Variants in FBXL4 observed in about 807,000 individuals in gnomAD.
FBXL4 encodes the protein F-box and leucine rich repeat protein 4, also known as F-box/LRR-repeat protein 4.
Under a neutral mutation model 58.9 loss-of-function variants are expected in FBXL4, and 40 were observed. The ratio of observed to expected loss-of-function variants is 0.68; its 90% CI spans 0.53 to 0.88. The LOEUF is 0.88. Among genes scored for constraint, FBXL4 ranks in the 40% least tolerant of loss-of-function variants. FBXL4 has a pLI of 0.00. For missense variants in FBXL4, 676 were observed against 734.4 expected (o/e 0.92, Z 0.92); for synonymous variants, 263 against 265.5 (o/e 0.99, Z 0.09).
Position 98,905,620 on chromosome 6 carries a change from T to G in FBXL4, c.909A>C (p.Leu303Phe). The G allele has an allele frequency of 6.2e-7, 1 of 1,612,008 alleles. No individual in the cohort carries two copies. The highest frequency in any genetic ancestry group is 1.7e-5 in the Admixed American group (1 of 59,822). The change falls in exon 6 of 10, where the codon TTA (leucine) becomes TTC (phenylalanine). Residue 303 changes from leucine to phenylalanine, a missense_variant. Physicochemically the swap from Leu to Phe is conservative, Grantham distance 22. Transcript: ENST00000369244. ...NHLTLPDLCR[L>F]AQTCKLLSQH... ...GGCTCAGTAGTTTGCAAGTCTGTGC[T>G]AATCTACACAGGTCTGGTAGTGTAA...
At chr6:98,925,296 T>C (rs1772735819) in intron 4 of FBXL4, among the ~76,000 whole-genome samples, 1 of 152,164 alleles carries the variant, frequency 6.6e-6, no homozygotes, top group African/African-American at 2.4e-5. Context: ...CATGCCCTGC[T>C]AGTGGGAATA....
At chr6:98,885,666 C>T (rs1463141258) in intron 7 of FBXL4, among the ~76,000 whole-genome samples, 1 of 152,206 alleles carries the variant, frequency 6.6e-6, no homozygotes, top group Non-Finnish European at 1.5e-5. Flanking sequence ...CTTCCTGGGT[C>T]TTAAACCTGC....
Position 98,868,616 on chromosome 6 carries a change from T to C in FBXL4, c.*5662A>G, listed in dbSNP as rs1770414464. On this transcript the variant is annotated 3_prime_UTR_variant, in exon 10 of 10. Coordinates refer to ENST00000369244, the MANE Select transcript of FBXL4 (RefSeq NM_001278716.2). ...AATCATTAGATATTGAACAGCATTT[T>C]TATGTAAATAAAATTAAAATATCTC... 1 of 152,168 alleles carries C rather than the reference T, an allele frequency of 6.6e-6. No individual in the cohort carries two copies. Among genetic ancestry groups the C allele is most frequent in the South Asian group, 2.1e-4 (1 of 4,832 alleles). The allele number at this position is 152,168 out of a possible 1,614,324, so 9.4% of individuals were successfully genotyped here. A position where few individuals can be genotyped will look rare whatever the true frequency, so the allele number is the denominator to read the frequency against.
chr6:98,937,259 G>A (rs1186470692), intron 1 of FBXL4, among the ~76,000 whole-genome samples: 6 of 151,358 alleles, frequency 4.0e-5, no homozygotes, highest in African/African-American at 1.5e-4. Context: ...GCAGTGAGCC[G>A]AGATTGTGCC....
At position 98,905,620 on chromosome 6, in the gene FBXL4, T is replaced by A; in HGVS notation, c.909A>T (p.Leu303Phe). 6.2e-7 allele frequency: 1 copy of A among 1,612,008 alleles called. No homozygotes were observed. Among genetic ancestry groups the A allele is most frequent in the Non-Finnish European group, 8.5e-7 (1 of 1,179,196 alleles). The change falls in exon 6 of 10, where the codon TTA becomes TTT. Residue 303 changes from leucine (L) to phenylalanine (F), a missense_variant. Physicochemically the swap from Leu to Phe is conservative, Grantham distance 22 (BLOSUM62 0). Coordinates refer to ENST00000369244, the MANE Select transcript of FBXL4 (RefSeq NM_001278716.2). ...NHLTLPDLCRLAQTCKLLSQH... is the reference protein window; with the variant it reads ...NHLTLPDLCRFAQTCKLLSQH... ...GGCTCAGTAGTTTGCAAGTCTGTGC[T>A]AATCTACACAGGTCTGGTAGTGTAA...
chr6:98,947,171 A>G (rs1381147944), intron 1 of FBXL4, among the ~76,000 whole-genome samples: 1 of 152,242 alleles, frequency 6.6e-6, no homozygotes, highest in Non-Finnish European at 1.5e-5. Flanking sequence ...CTGTGAATGC[A>G]TCTCGAAGGT....
intron 7 of FBXL4, among the ~76,000 whole-genome samples, chr6:98,893,200 A>G (rs1377123562): frequency 6.6e-6 from 1 of 152,194 alleles, no homozygotes; most frequent in Non-Finnish European, 1.5e-5. Context: ...CTCATGCACT[A>G]TGTTAAAAAA....
intron 1 of FBXL4, among the ~76,000 whole-genome samples, chr6:98,938,743 T>C (rs1773316859): frequency 6.6e-6 from 1 of 152,126 alleles, no homozygotes; most frequent in Non-Finnish European, 1.5e-5. Flanking sequence ...TAAATGTCTT[T>C]TGTGGCATTT....
At chr6:98,883,523 C>CT (rs796178306) in intron 7 of FBXL4, among the ~76,000 whole-genome samples, 4 of 150,990 alleles carry the variant, frequency 2.6e-5, no homozygotes, top group Admixed American at 6.6e-5. Context: ...ATCTAAGATT[C>CT]TTTTTTTTTA....
At chr6:98,937,219 A>G (rs1773253737) in intron 1 of FBXL4, among the ~76,000 whole-genome samples, 1 of 152,012 alleles carries the variant, frequency 6.6e-6, no homozygotes, top group Non-Finnish European at 1.5e-5. Context: ...CTGAGGCAGG[A>G]GAATCACTTG....
Position 98,871,760 on chromosome 6 carries a change from GGTTCA to G in FBXL4, c.*2513_*2517del, listed in dbSNP as rs1162649494. The G allele has an allele frequency of 1.3e-5, 2 of 152,216 alleles. No homozygotes were observed. The highest frequency in any genetic ancestry group is 3.9e-4 in the East Asian group (2 of 5,184). The allele number at this position is 152,216 out of a possible 1,614,324, so 9.4% of individuals were successfully genotyped here. A position where few individuals can be genotyped will look rare whatever the true frequency, so the allele number is the denominator to read the frequency against. ...AGTTTCTGATAGATTAAACATCAAT[GGTTCA>G]GTTATCTTTTGTCAGATACAGAAGA... On this transcript the variant is annotated 3_prime_UTR_variant, in exon 10 of 10. Transcript: ENST00000369244.
At chr6:98,898,919 A>G (rs1186191304) in intron 7 of FBXL4, 2 of 985,242 alleles carry the variant, frequency 2.0e-6, no homozygotes, top group African/African-American at 3.5e-5. Flanking sequence ...GCTTCCTCCC[A>G]CTGCAAGCAA....
intron 6 of FBXL4, 93 bp downstream of exon 6, chr6:98,905,333 C>G: frequency 7.1e-7 from 1 of 1,400,490 alleles, no homozygotes; most frequent in South Asian, 1.3e-5. Context: ...GTACATGTTA[C>G]ATAATTTCAA....
chr6:98,937,587 G>T (rs1773269268), intron 1 of FBXL4, among the ~76,000 whole-genome samples: 1 of 152,050 alleles, frequency 6.6e-6, no homozygotes, highest in Non-Finnish European at 1.5e-5. Flanking sequence ...GAGGAGGGGT[G>T]GTCCTTGCCA....
chr6:98,910,687 G>C (rs186411277), intron 5 of FBXL4, among the ~76,000 whole-genome samples: 3 of 151,890 alleles, frequency 2.0e-5, no homozygotes, highest in Non-Finnish European at 4.4e-5. Flanking sequence ...AAAGTATTGT[G>C]GGGGGAGGAG....
rs1771252899 is a variant in FBXL4 at position 98,892,175 on chromosome 6, T to C, written c.1317+7093A>G. Among the ~76,000 whole-genome samples the C allele has an allele frequency of 2.6e-5, 4 of 152,228 alleles. No homozygotes were observed. In the South Asian group the frequency reaches 6.2e-4, roughly 24 times the overall value. Reference sequence around the variant, plus strand: ...ATTATCAGCTATTAAAACTATTGATTCTTGATTGTGTTTAAGAACAAAGTA... The same window carrying C: ...ATTATCAGCTATTAAAACTATTGATCCTTGATTGTGTTTAAGAACAAAGTA... On this transcript the variant is annotated intron_variant, in intron 7 of 9. Coordinates refer to ENST00000369244, the MANE Select transcript of FBXL4 (RefSeq NM_001278716.2).
rs933323574 is a variant in FBXL4, at chr6:98,926,798, T to A, written c.191A>T (p.His64Leu). 4 of 1,614,170 alleles carry A rather than the reference T, an allele frequency of 2.5e-6. No homozygotes were observed. The highest frequency in any genetic ancestry group is 3.4e-6 in the Non-Finnish European group (4 of 1,179,986). ...GGACATACTATTCTCACTTCCATAA[T>A]GGGAACTGAAATCCACTACTTCTTT... Reference protein sequence around the residue: ...YAKEVVDFSSHYGSENSMSYT... With the variant: ...YAKEVVDFSSLYGSENSMSYT... Residue 64 changes from histidine to leucine, a missense_variant, in exon 4 of 10, where the codon CAT (histidine) becomes CTT (leucine). Physicochemically the swap from His to Leu is moderately conservative, Grantham distance 99. Coordinates refer to ENST00000369244, the MANE Select transcript of FBXL4 (RefSeq NM_001278716.2).
chr6:98,868,570 G>A lies in FBXL4; in HGVS notation c.*5708C>T, dbSNP rs1051292590. 1 of 151,894 alleles carries A rather than the reference G, an allele frequency of 6.6e-6. No homozygotes were observed. The highest frequency in any genetic ancestry group is 2.4e-5 in the African/African-American group (1 of 41,354). The allele number at this position is 151,894 out of a possible 1,614,324, so 9.4% of individuals were successfully genotyped here. A position where few individuals can be genotyped will look rare whatever the true frequency, so the allele number is the denominator to read the frequency against. ...CTCAAACTTATTTTATTACTCTAAA[G>A]TACAGAATACAAACAACAGAAATCA... is the stretch of plus-strand genomic sequence containing the variant. On this transcript the variant is annotated 3_prime_UTR_variant, in exon 10 of 10. Coordinates refer to ENST00000369244, the MANE Select transcript of FBXL4 (RefSeq NM_001278716.2).
At position 98,877,200 on chromosome 6, in the gene FBXL4, T is replaced by C. The variant is rs147902825; in HGVS notation, c.1390-1473A>G. On this transcript the variant is annotated intron_variant, in intron 8 of 9. Coordinates refer to ENST00000369244, the MANE Select transcript of FBXL4 (RefSeq NM_001278716.2). The stretch of plus-strand genomic sequence containing the variant: ...AAGGTTCTGGATGTCAGTGTATGTA[T>C]GGTGGAATCATGCGGAAGTCTATGA... Among the ~76,000 whole-genome samples the C allele has an allele frequency of 2.7e-3, 406 of 152,276 alleles. 1 individual carries two copies. Among genetic ancestry groups the C allele is most frequent in the African/African-American group, 9.0e-3 (375 of 41,556 alleles).
Sources: gnomAD v4.1 joint callset for allele counts (sites outside exome capture counted in the v4.1 genomes callset) on GRCh38, gnomAD v4.1.1 for gene constraint, MANE v1.5 for transcripts, NCBI Gene and HGNC (gene_info 2026-07-23, HGNC 2026-07-21) for gene names.